Variants in UTS2 observed in about 807,000 individuals in gnomAD.
UTS2 encodes urotensin 2.
Under a neutral mutation model 12.6 loss-of-function variants are expected in UTS2, and 10 were observed. The observed-to-expected ratio is 0.80, with a 90% CI of 0.49 to 1.35. The LOEUF is 1.35. Among genes scored for constraint, UTS2 ranks in the 40% most tolerant of loss-of-function variants. The pLI is 0.00. For synonymous variants in UTS2, 52 were observed against 50.0 expected (o/e 1.04, Z -0.17); for missense variants, 142 against 143.2 (o/e 0.99, Z 0.04).
intron 2 of UTS2, among the ~76,000 whole-genome samples, chr1:7,849,998 C>A (rs1578024783): frequency 7.0e-6 from 1 of 143,394 alleles, no homozygotes; most frequent in East Asian, 2.1e-4. Flanking sequence ...GAGACAGAGT[C>A]TTGCTCTGTT....
chr1:7,901,390 A>G, the UTS2 span, among the ~76,000 whole-genome samples: 2 of 152,186 alleles, frequency 1.3e-5, no homozygotes, highest in African/African-American at 4.8e-5. Flanking sequence ...AAAGGTACTA[A>G]TCTGATGTCT....
the UTS2 span, among the ~76,000 whole-genome samples, chr1:7,863,060 ATT>A: frequency 1.1e-3 from 90 of 82,576 alleles, 2 homozygotes; most frequent in Non-Finnish European, 1.8e-3. Flanking sequence ...ATTGTATTGT[ATT>A]GTATTGTATT....
chr1:7,874,655 C>A, the UTS2 span, among the ~76,000 whole-genome samples: 2 of 152,322 alleles, frequency 1.3e-5, no homozygotes, highest in African/African-American at 4.8e-5. Context: ...ACTGACAGCA[C>A]CCCCACCATC....
the UTS2 span, among the ~76,000 whole-genome samples, chr1:7,874,666 C>A: frequency 6.6e-6 from 1 of 152,332 alleles, no homozygotes; most frequent in Non-Finnish European, 1.5e-5. Flanking sequence ...CCCCACCATC[C>A]CCCCAGCAGC....
At chr1:7,889,631 C>T in the UTS2 span, among the ~76,000 whole-genome samples, 1 of 151,796 alleles carries the variant, frequency 6.6e-6, no homozygotes, top group African/African-American at 2.4e-5. Flanking sequence ...ATGGCAAAAC[C>T]CAATCTCTAC....
At chr1:7,863,052 T>TGTA in the UTS2 span, among the ~76,000 whole-genome samples, 7 of 58,984 alleles carry the variant, frequency 1.2e-4, no homozygotes, top group Non-Finnish European at 2.5e-4. Flanking sequence ...TGTATTGTAT[T>TGTA]GTATTGTATT....
At chr1:7,875,111 G>A in the UTS2 span, among the ~76,000 whole-genome samples, 26,533 of 148,912 alleles carry the variant, frequency 0.18, 2,529 homozygotes, top group Non-Finnish European at 0.19. Context: ...GTCTCACTCT[G>A]TCGCCCAGGC....
the UTS2 span, among the ~76,000 whole-genome samples, chr1:7,900,724 T>C: frequency 2.0e-5 from 3 of 152,038 alleles, no homozygotes; most frequent in African/African-American, 7.2e-5. Flanking sequence ...GAGGTTGCAA[T>C]GAGCTCAGAT....
In UTS2 at chr1:7,847,810, T is replaced by C. The variant is rs778971771; in HGVS notation, c.331A>G (p.Lys111Glu). 4.3e-6 allele frequency: 7 copies of C among 1,614,080 alleles called. 1 individual carries two copies. In the South Asian group the frequency reaches 7.7e-5, roughly 18 times the overall value. ...HLLARIWKPY[K>E]KRETPDCFWK... The stretch of plus-strand genomic sequence containing the variant: ...AAGCAATCAGGAGTCTCACGTTTCT[T>C]GTATGGTTTCCAGATTCTGGCCAAA... Residue 111 changes from lysine (K) to glutamate (E), a missense_variant, in exon 4 of 4, where the codon AAG becomes GAG. Coordinates refer to ENST00000361696, the MANE Select transcript of UTS2 (RefSeq NM_006786.4).
chr1:7,903,389 ATTAAT>A, the UTS2 span, among the ~76,000 whole-genome samples: 38 of 146,346 alleles, frequency 2.6e-4, 1 homozygote, highest in African/African-American at 9.2e-4. Flanking sequence ...TAATTAATTA[ATTAAT>A]TTATTTATTT....
the UTS2 span, among the ~76,000 whole-genome samples, chr1:7,858,660 A>T: frequency 2.6e-5 from 4 of 151,998 alleles, no homozygotes; most frequent in Admixed American, 1.3e-4. Context: ...TACTGCAACC[A>T]CCACCTCCAG....
chr1:7,904,192 T>C, the UTS2 span, among the ~76,000 whole-genome samples: 1 of 151,760 alleles, frequency 6.6e-6, no homozygotes, highest in Non-Finnish European at 1.5e-5. Flanking sequence ...TAATGAAAAG[T>C]AAAGATGGCC....
At chr1:7,857,852 G>GA (rs3034103), upstream of UTS2, among the ~76,000 whole-genome samples, 13,555 of 118,418 alleles carry the variant, frequency 0.11, 1,066 homozygotes, top group African/African-American at 0.23. Context: ...CCAGTCTCCA[G>GA]AAAAAAAAAA....
chr1:7,876,174 G>T, the UTS2 span, among the ~76,000 whole-genome samples: 4 of 152,224 alleles, frequency 2.6e-5, no homozygotes, highest in East Asian at 3.9e-4. Context: ...GGATGAGTCT[G>T]CCCAGCCTTC....
upstream of UTS2, among the ~76,000 whole-genome samples, chr1:7,857,702 C>T (rs1282710915): frequency 6.6e-6 from 1 of 151,760 alleles, no homozygotes; most frequent in Admixed American, 6.6e-5. Context: ...AAATACAAAA[C>T]TTAGCCAGGA....
At chr1:7,880,481 CT>C in the UTS2 span, among the ~76,000 whole-genome samples, 3 of 152,038 alleles carry the variant, frequency 2.0e-5, no homozygotes, top group Admixed American at 2.0e-4. Context: ...GACATTACAA[CT>C]GATAAACTGA....
At chr1:7,862,874 C>G in the UTS2 span, among the ~76,000 whole-genome samples, 11 of 152,158 alleles carry the variant, frequency 7.2e-5, no homozygotes, top group Non-Finnish European at 1.5e-4. Context: ...TTGGAATGCT[C>G]TCCCTCCAAT....
the UTS2 span, among the ~76,000 whole-genome samples, chr1:7,903,050 T>C: frequency 1.5e-5 from 1 of 66,906 alleles, no homozygotes. Flanking sequence ...CCCCTCCTTC[T>C]CCTGCTTCCC....
the UTS2 span, among the ~76,000 whole-genome samples, chr1:7,869,917 A>T: frequency 3.9e-5 from 6 of 152,218 alleles, no homozygotes; most frequent in African/African-American, 1.2e-4. Flanking sequence ...GTTACTGAGA[A>T]CATTAATTGC....
Sources: allele counts gnomAD v4.1 joint callset (sites outside exome capture counted in the v4.1 genomes callset), GRCh38; gene constraint gnomAD v4.1.1; transcripts MANE v1.5; gene names NCBI Gene and HGNC (gene_info 2026-07-23, HGNC 2026-07-21).